Variants in LRP1B observed in about 807,000 individuals in gnomAD.
The protein encoded by LRP1B is low-density lipoprotein receptor-related protein 1B.
Under a neutral mutation model 556.6 loss-of-function variants are expected in LRP1B, and 217 were observed. The ratio of observed to expected loss-of-function variants is 0.39; its 90% CI spans 0.35 to 0.44. The LOEUF is 0.44. Ranked by LOEUF, LRP1B falls within the 20% of genes least tolerant of loss-of-function variation. LRP1B has a pLI of 1.00. For missense variants in LRP1B, 5,053 were observed against 5,620.8 expected (o/e 0.90, Z 3.23); for synonymous variants, 2,047 against 1,865.8 (o/e 1.10, Z -2.50).
At chr2:141,445,341 G>T (rs1681147609) in intron 3 of LRP1B, among the ~76,000 whole-genome samples, 1 of 151,896 alleles carries the variant, frequency 6.6e-6, no homozygotes, top group African/African-American at 2.4e-5. Context: ...AGTTTGGCTA[G>T]TGGTCTATTT....
chr2:140,419,105 A>C (rs2105262305), intron 66 of LRP1B, among the ~76,000 whole-genome samples: 1 of 152,302 alleles, frequency 6.6e-6, no homozygotes, highest in African/African-American at 2.4e-5. Flanking sequence ...TGGGACAAAA[A>C]CACAAAGAGT....
intron 2 of LRP1B, among the ~76,000 whole-genome samples, chr2:141,707,155 A>G (rs1692172775): frequency 6.6e-6 from 1 of 152,120 alleles, no homozygotes; most frequent in South Asian, 2.1e-4. Context: ...TATATGGACT[A>G]TGACTTTACC....
intron 2 of LRP1B, among the ~76,000 whole-genome samples, chr2:141,507,733 T>C (rs1320776410): frequency 6.6e-6 from 1 of 152,160 alleles, no homozygotes; most frequent in African/African-American, 2.4e-5. Context: ...GAGTACCTAC[T>C]ATGTAACATT....
At chr2:141,026,623 G>T (rs1400120239) in intron 11 of LRP1B, among the ~76,000 whole-genome samples, 1 of 152,024 alleles carries the variant, frequency 6.6e-6, no homozygotes, top group Non-Finnish European at 1.5e-5. Context: ...AGAGAAAAAG[G>T]CTAGACAAAT....
At chr2:140,962,176 G>C (rs1436891492) in intron 18 of LRP1B, among the ~76,000 whole-genome samples, 1 of 152,188 alleles carries the variant, frequency 6.6e-6, no homozygotes, top group East Asian at 1.9e-4. Flanking sequence ...ATATACAAAA[G>C]CAGAGGAAAA....
At chr2:140,324,596 ATTCT>A (rs1285798982) in intron 80 of LRP1B, among the ~76,000 whole-genome samples, 25 of 152,168 alleles carry the variant, frequency 1.6e-4, no homozygotes, top group Middle Eastern at 6.8e-3. Flanking sequence ...AATGAAAATC[ATTCT>A]TCATCTGATT....
At position 141,395,172 on chromosome 2, in the gene LRP1B, T is replaced by C. The variant is rs72846822; in HGVS notation, c.343+85224A>G. On this transcript the variant is annotated intron_variant, in intron 3 of 90. Transcript: ENST00000389484. ...AAGTGTACAGTGTTTATATAAAGTA[T>C]ACTGTATTATGTAATAATGTTCAAG... 8.0e-3 allele frequency among the ~76,000 whole-genome samples: 1,224 copies of C among 152,212 alleles called. 8 individuals carry two copies. The highest frequency in any genetic ancestry group is 0.012 in the Non-Finnish European group (848 of 67,946).
intron 1 of LRP1B, among the ~76,000 whole-genome samples, chr2:141,983,885 A>C (rs1574560047): frequency 6.6e-6 from 1 of 152,196 alleles, no homozygotes; most frequent in South Asian, 2.1e-4. Flanking sequence ...ACATGATGAA[A>C]CCCTGTCTCT....
At chr2:141,540,386 T>A (rs1685215359) in intron 2 of LRP1B, among the ~76,000 whole-genome samples, 1 of 152,072 alleles carries the variant, frequency 6.6e-6, no homozygotes, top group African/African-American at 2.4e-5. Context: ...CATTAATAGA[T>A]GCATTTATAA....
intron 2 of LRP1B, among the ~76,000 whole-genome samples, chr2:141,543,576 C>G (rs1182239401): frequency 7.2e-6 from 1 of 138,676 alleles, no homozygotes; most frequent in East Asian, 2.2e-4. Context: ...AAAACAAACA[C>G]AAGCTGGGTA....
chr2:140,390,420 A>C (rs1683964791), intron 66 of LRP1B, among the ~76,000 whole-genome samples: 1 of 152,168 alleles, frequency 6.6e-6, no homozygotes, highest in South Asian at 2.1e-4. Context: ...AAAAAACATA[A>C]ATCTCCATCC....
At chr2:141,838,396 A>G (rs779885842) in intron 1 of LRP1B, among the ~76,000 whole-genome samples, 16 of 152,130 alleles carry the variant, frequency 1.1e-4, no homozygotes, top group Non-Finnish European at 1.8e-4. Flanking sequence ...CTCTTCCTGT[A>G]CTAACTTTTG....
At chr2:142,019,641 C>T (rs1703268873) in intron 1 of LRP1B, among the ~76,000 whole-genome samples, 2 of 152,206 alleles carry the variant, frequency 1.3e-5, no homozygotes, top group South Asian at 4.1e-4. Flanking sequence ...GATTTTGGTG[C>T]CCTCCTGCTC....
At chr2:140,806,460 C>T (rs1285004381) in intron 32 of LRP1B, among the ~76,000 whole-genome samples, 1 of 152,092 alleles carries the variant, frequency 6.6e-6, no homozygotes, top group Non-Finnish European at 1.5e-5. Flanking sequence ...ATGAGAGCAA[C>T]TGTGCATATA....
chr2:141,107,636 C>T (rs1278557998), intron 7 of LRP1B, among the ~76,000 whole-genome samples: 1 of 145,838 alleles, frequency 6.9e-6, no homozygotes, highest in Admixed American at 7.0e-5. Flanking sequence ...CAGAGCAAGA[C>T]TCCGTGTCAA....
At chr2:140,879,582 G>A (rs1203703743) in intron 25 of LRP1B, among the ~76,000 whole-genome samples, 3 of 151,944 alleles carry the variant, frequency 2.0e-5, no homozygotes, top group Non-Finnish European at 2.9e-5. Flanking sequence ...AATGATCATC[G>A]TTTCATAACA....
intron 6 of LRP1B, among the ~76,000 whole-genome samples, chr2:141,209,604 T>C (rs1682454759): frequency 1.3e-5 from 2 of 152,210 alleles, no homozygotes; most frequent in Non-Finnish European, 2.9e-5. Context: ...ACAATAAGGT[T>C]ATATAACATG....
At chr2:141,346,801 T>G (rs866291047) in intron 3 of LRP1B, among the ~76,000 whole-genome samples, 1 of 152,190 alleles carries the variant, frequency 6.6e-6, no homozygotes, top group African/African-American at 2.4e-5. Context: ...TTCTTACATT[T>G]CCTCATTATC....
chr2:140,785,677 G>A (rs1689871269), intron 32 of LRP1B, among the ~76,000 whole-genome samples: 1 of 152,074 alleles, frequency 6.6e-6, no homozygotes, highest in Non-Finnish European at 1.5e-5. Context: ...AAATCTCAAT[G>A]TTATCCCTAA....
Sources: gnomAD v4.1 joint callset for allele counts (sites outside exome capture counted in the v4.1 genomes callset) on GRCh38, gnomAD v4.1.1 for gene constraint, MANE v1.5 for transcripts, NCBI Gene and HGNC (gene_info 2026-07-23, HGNC 2026-07-21) for gene names.